RSPO2: variants seen among roughly 807,000 people sequenced by gnomAD.
RSPO2 encodes R-spondin-2.
In RSPO2, 14 loss-of-function variants were observed where a neutral mutation model predicts 30.9. The observed-to-expected ratio is 0.45, with a 90% CI of 0.30 to 0.71. RSPO2 has a LOEUF of 0.71. Among genes scored for constraint, RSPO2 ranks in the 30% least tolerant of loss-of-function variants. The pLI is 0.08. For synonymous variants in RSPO2, 107 were observed against 96.4 expected (o/e 1.11, Z -0.64); for missense variants, 264 against 301.9 (o/e 0.87, Z 0.93).
intron 3 of RSPO2, among the ~76,000 whole-genome samples, chr8:107,974,752 A>G (rs1814150632): frequency 6.6e-6 from 1 of 152,110 alleles, no homozygotes; most frequent in Non-Finnish European, 1.5e-5. Flanking sequence ...AATATAATTA[A>G]GTCTCTTCCA....
chr8:108,033,050 A>AG lies in RSPO2; in HGVS notation c.95-43807_95-43806insC, dbSNP rs1491401243. ...GGGTGACAGAGCAAGACTCTGTCTC[A>AG]AAAAAAAAAAAAAAAAAAAAAAAAA... On this transcript the variant is annotated intron_variant, in intron 2 of 5. Coordinates refer to ENST00000276659, the MANE Select transcript of RSPO2 (RefSeq NM_178565.5). Among the ~76,000 whole-genome samples, 72 of 27,620 alleles carry AG rather than the reference A, an allele frequency of 2.6e-3. 2 individuals carry two copies. Among genetic ancestry groups the AG allele is most frequent in the Middle Eastern group, 0.023 (1 of 44 alleles). 18.1% of individuals were successfully genotyped at this position (27,620 alleles called of 152,430 possible).
intron 3 of RSPO2, chr8:107,983,006 T>G (rs1586600284): frequency 7.2e-6 from 5 of 691,184 alleles, no homozygotes; most frequent in East Asian, 2.9e-5. Flanking sequence ...GCTCCTGGGG[T>G]GCAGAGAGGG....
intron 2 of RSPO2, 181 bp from the exon 3 acceptor site, chr8:107,989,425 C>T: frequency 3.9e-6 from 2 of 512,822 alleles, no homozygotes; most frequent in South Asian, 6.4e-5. Flanking sequence ...TAATACACAA[C>T]CAAACTTAGA....
At chr8:107,908,007 T>TGAA (rs1226264875) in intron 5 of RSPO2, among the ~76,000 whole-genome samples, 1 of 152,126 alleles carries the variant, frequency 6.6e-6, no homozygotes, top group African/African-American at 2.4e-5. Flanking sequence ...AAGCTAACCC[T>TGAA]GAAGATCACC....
chr8:108,044,990 G>A (rs1462172530), intron 2 of RSPO2, among the ~76,000 whole-genome samples: 1 of 152,112 alleles, frequency 6.6e-6, no homozygotes, highest in Non-Finnish European at 1.5e-5. Flanking sequence ...AAGAACCTAG[G>A]AAATACTGTT....
chr8:107,962,480 T>C (rs1813659282), intron 3 of RSPO2, among the ~76,000 whole-genome samples: 1 of 151,724 alleles, frequency 6.6e-6, no homozygotes, highest in Non-Finnish European at 1.5e-5. Flanking sequence ...TGGGTCAAAG[T>C]CCACATACAA....
intron 2 of RSPO2, among the ~76,000 whole-genome samples, chr8:108,066,675 T>C (rs1586674605): frequency 6.6e-6 from 1 of 152,184 alleles, no homozygotes; most frequent in Admixed American, 6.5e-5. Context: ...CCTGGAAGAA[T>C]TGTGTTTCAT....
At chr8:107,968,515 G>C (rs1813889419) in intron 3 of RSPO2, among the ~76,000 whole-genome samples, 1 of 151,958 alleles carries the variant, frequency 6.6e-6, no homozygotes, top group African/African-American at 2.4e-5. Context: ...ATAAGTTCTA[G>C]TATTCAATAG....
intron 2 of RSPO2, among the ~76,000 whole-genome samples, chr8:108,025,477 GA>G (rs553928684): frequency 5.3e-5 from 8 of 152,150 alleles, no homozygotes; most frequent in Non-Finnish European, 8.8e-5. Flanking sequence ...AATAAACCAT[GA>G]ATCTATACTG....
rs151307245 is a variant in RSPO2 at position 107,930,162 on chromosome 8, T to C, written c.616+27918A>G. On this transcript the variant is annotated intron_variant, in intron 5 of 5. Transcript: ENST00000276659. ...TGACTTACTTGGTATTCATTACAAG[T>C]TTTGACATAGGTATTATTTTACAAA... is the stretch of plus-strand genomic sequence containing the variant. Among the ~76,000 whole-genome samples, 793 of 152,264 alleles carry C rather than the reference T, an allele frequency of 5.2e-3. 11 individuals are homozygous for C. Among genetic ancestry groups the C allele is most frequent in the African/African-American group, 0.017 (703 of 41,560 alleles).
intron 5 of RSPO2, among the ~76,000 whole-genome samples, chr8:107,945,688 T>A (rs1813039504): frequency 6.6e-6 from 1 of 152,182 alleles, no homozygotes; most frequent in African/African-American, 2.4e-5. Context: ...TCAGTTTATC[T>A]TTTCCCTTCA....
At chr8:108,001,548 A>C (rs2130559146) in intron 2 of RSPO2, among the ~76,000 whole-genome samples, 1 of 152,350 alleles carries the variant, frequency 6.6e-6, no homozygotes, top group African/African-American at 2.4e-5. Flanking sequence ...GAACTATTTA[A>C]GTGGGAAAAT....
At chr8:107,968,105 A>G (rs1813872885) in intron 3 of RSPO2, among the ~76,000 whole-genome samples, 1 of 152,170 alleles carries the variant, frequency 6.6e-6, no homozygotes, top group African/African-American at 2.4e-5. Context: ...TATATCCAAA[A>G]GAGGGGAAAT....
chr8:108,030,109 G>T (rs1364657184), intron 2 of RSPO2, among the ~76,000 whole-genome samples: 1 of 132,980 alleles, frequency 7.5e-6, no homozygotes, highest in Non-Finnish European at 1.6e-5. Context: ...TAGGGTCCTG[G>T]GATAGATAGG....
Position 107,980,082 on chromosome 8 carries a change from C to A in RSPO2, c.283+8974G>T, listed in dbSNP as rs757913916. ...CCTCTTACTCTTACTCACCCTACTCCTCTTTCAAGATAGTTTTATAACACA... is the reference window on the plus strand; with the variant it reads ...CCTCTTACTCTTACTCACCCTACTCATCTTTCAAGATAGTTTTATAACACA... On this transcript the variant is annotated intron_variant, in intron 3 of 5. Coordinates refer to ENST00000276659, the MANE Select transcript of RSPO2 (RefSeq NM_178565.5). Among the ~76,000 whole-genome samples, 11 of 152,144 alleles carry A rather than the reference C, an allele frequency of 7.2e-5. No individual in the cohort carries two copies. In the South Asian group the frequency reaches 1.9e-3, roughly 26 times the overall value.
chr8:108,014,997 A>T (rs1187849091), intron 2 of RSPO2, among the ~76,000 whole-genome samples: 1 of 152,162 alleles, frequency 6.6e-6, no homozygotes, highest in Non-Finnish European at 1.5e-5. Flanking sequence ...TATAAGAATT[A>T]AAGCATAATA....
chr8:107,946,634 T>C (rs1813068832), intron 5 of RSPO2, among the ~76,000 whole-genome samples: 2 of 152,116 alleles, frequency 1.3e-5, no homozygotes, highest in Non-Finnish European at 2.9e-5. Context: ...ATGTGAAAAA[T>C]ATTGTATAAT....
intron 3 of RSPO2, among the ~76,000 whole-genome samples, chr8:107,972,390 C>T (rs1332839877): frequency 3.3e-5 from 5 of 152,112 alleles, no homozygotes; most frequent in Admixed American, 6.6e-5. Context: ...CAGTGATCCA[C>T]CCTCCTTGGC....
intron 2 of RSPO2, among the ~76,000 whole-genome samples, chr8:108,020,607 A>C (rs544010322): frequency 6.6e-6 from 1 of 151,932 alleles, no homozygotes; most frequent in African/African-American, 2.4e-5. Context: ...ATAATTTAAG[A>C]CTCATTTGAA....
Sources: allele counts gnomAD v4.1 joint callset (sites outside exome capture counted in the v4.1 genomes callset), GRCh38; gene constraint gnomAD v4.1.1; transcripts MANE v1.5; gene names NCBI Gene and HGNC (gene_info 2026-07-23, HGNC 2026-07-21).